The following WDFY3 variants were observed in gnomAD, a reference collection of about 807,000 sequenced individuals.
WDFY3 encodes the protein WD repeat and FYVE domain-containing protein 3.
A neutral mutation model predicts 409.6 loss-of-function variants in WDFY3; 66 were observed. That is an observed-to-expected ratio of 0.16 (90% confidence interval 0.13 to 0.20). The LOEUF is 0.20. Among genes scored for constraint, WDFY3 ranks in the 10% least tolerant of loss-of-function variants. The pLI, the probability that WDFY3 is intolerant of heterozygous loss-of-function variation, is 1.00. For synonymous variants in WDFY3, 1,521 were observed against 1,537.1 expected (o/e 0.99, Z 0.25); for missense variants, 3,031 against 4,298.1 (o/e 0.71, Z 8.24).
intron 53 of WDFY3, among the ~76,000 whole-genome samples, chr4:84,707,052 T>A (rs757549243): frequency 1.7e-4 from 25 of 150,808 alleles, no homozygotes; most frequent in Non-Finnish European, 8.9e-5. Flanking sequence ...GATCCTCCCA[T>A]TTCAGCCTCC....
chr4:84,681,209 C>T (rs1310119689), intron 64 of WDFY3, among the ~76,000 whole-genome samples: 1 of 152,168 alleles, frequency 6.6e-6, no homozygotes, highest in Non-Finnish European at 1.5e-5. Context: ...AGACTACCCA[C>T]AATAAAGACA....
chr4:84,947,890 GTAAA>G (rs534924086), intron 1 of WDFY3, among the ~76,000 whole-genome samples: 1,999 of 151,490 alleles, frequency 0.013, 33 homozygotes, highest in African/African-American at 0.046. Context: ...TGTCTCAAAA[GTAAA>G]TAAATAAATA....
chr4:84,830,196 C>T lies in WDFY3; in HGVS notation c.770-1006G>A, dbSNP rs547886355. Reference sequence around the variant, plus strand: ...TAATTATTTTGAAAGAGTTTCAGGACAGTAATATCAGGTAGTTCTCAACTT... The same window carrying T: ...TAATTATTTTGAAAGAGTTTCAGGATAGTAATATCAGGTAGTTCTCAACTT... On this transcript the variant is annotated intron_variant, in intron 8 of 67. Transcript: ENST00000295888. 2.6e-5 allele frequency among the ~76,000 whole-genome samples: 4 copies of T among 152,280 alleles called. No homozygotes were observed. The South Asian group carries it at 6.2e-4, about 24-fold the overall frequency.
At chr4:84,868,575 T>C (rs1761749929) in intron 3 of WDFY3, among the ~76,000 whole-genome samples, 1 of 152,118 alleles carries the variant, frequency 6.6e-6, no homozygotes, top group Non-Finnish European at 1.5e-5. Context: ...CTACCCAATT[T>C]CTCAGATTTA....
intron 2 of WDFY3, among the ~76,000 whole-genome samples, chr4:84,924,751 T>C (rs1437572581): frequency 6.6e-6 from 1 of 152,186 alleles, no homozygotes; most frequent in African/African-American, 2.4e-5. Flanking sequence ...ACAAGGCTGC[T>C]TAGCTAGTAT....
chr4:84,678,154 A>C lies in WDFY3; in HGVS notation c.10259+14T>G. 1 of 1,606,336 alleles carries C rather than the reference A, an allele frequency of 6.2e-7. No homozygotes were observed. Among genetic ancestry groups the C allele is most frequent in the Non-Finnish European group, 8.5e-7 (1 of 1,172,960 alleles). ...TCAGATGGGAAGCGGAGCTGGAAAA[A>C]GCCTGACACTTACTTGGAGATGCCC... On this transcript the variant is annotated intron_variant, in intron 66 of 67. Transcript: ENST00000295888.
chr4:84,711,082 C>A (rs972859159), intron 51 of WDFY3, among the ~76,000 whole-genome samples: 1 of 152,150 alleles, frequency 6.6e-6, no homozygotes, highest in Non-Finnish European at 1.5e-5. Flanking sequence ...AAGTCATTTT[C>A]TTGCATGTTC....
intron 32 of WDFY3, among the ~76,000 whole-genome samples, chr4:84,761,659 A>G (rs2149362028): frequency 6.6e-6 from 1 of 152,358 alleles, no homozygotes; most frequent in Non-Finnish European, 1.5e-5. Context: ...GGAAACTACC[A>G]TCAGAATGAA....
intron 1 of WDFY3, among the ~76,000 whole-genome samples, chr4:84,959,004 CTATG>C (rs1774584159): frequency 6.6e-6 from 1 of 152,258 alleles, no homozygotes; most frequent in East Asian, 1.9e-4. Context: ...ATATAATGTA[CTATG>C]TATTATAATA....
chr4:84,724,177 T>C (rs570533368), intron 46 of WDFY3, among the ~76,000 whole-genome samples: 1 of 152,288 alleles, frequency 6.6e-6, no homozygotes, highest in African/African-American at 2.4e-5. Context: ...CCACTGAGAA[T>C]TCTGAGAAAT....
intron 4 of WDFY3, 67 bp from the exon 5 acceptor site, chr4:84,850,092 C>A: frequency 6.6e-7 from 1 of 1,506,336 alleles, no homozygotes; most frequent in Non-Finnish European, 8.9e-7. Flanking sequence ...TGTGAATTTT[C>A]AAGTGTGGTA....
At chr4:84,824,583 C>A (rs1754578186) in intron 10 of WDFY3, among the ~76,000 whole-genome samples, 1 of 152,064 alleles carries the variant, frequency 6.6e-6, no homozygotes, top group African/African-American at 2.4e-5. Context: ...GTTGCCAGGG[C>A]AAGGGTTAAG....
At chr4:84,716,097 T>C (rs1340519064) in intron 49 of WDFY3, among the ~76,000 whole-genome samples, 2 of 152,128 alleles carry the variant, frequency 1.3e-5, no homozygotes, top group African/African-American at 4.8e-5. Flanking sequence ...AAATTATGCA[T>C]CCACATGACC....
chr4:84,690,941 A>G (rs1729160848), intron 60 of WDFY3, among the ~76,000 whole-genome samples: 1 of 152,212 alleles, frequency 6.6e-6, no homozygotes, highest in African/African-American at 2.4e-5. Context: ...AGTGATGCTC[A>G]AATTGTGTGA....
intron 30 of WDFY3, among the ~76,000 whole-genome samples, chr4:84,770,708 T>C (rs1026931595): frequency 2.6e-5 from 4 of 152,166 alleles, no homozygotes; most frequent in African/African-American, 7.2e-5. Context: ...AATTTGAAAA[T>C]TGCCTTATCA....
chr4:84,944,124 A>G (rs1422103718), intron 1 of WDFY3, among the ~76,000 whole-genome samples: 3 of 152,234 alleles, frequency 2.0e-5, no homozygotes, highest in Non-Finnish European at 2.9e-5. Flanking sequence ...ATATGCTAAA[A>G]CAAACAATAA....
intron 2 of WDFY3, among the ~76,000 whole-genome samples, chr4:84,910,226 G>A (rs775130217): frequency 6.6e-6 from 1 of 152,082 alleles, no homozygotes; most frequent in African/African-American, 2.4e-5. Context: ...ATACGCACAG[G>A]TTATGTGCAA....
intron 3 of WDFY3, among the ~76,000 whole-genome samples, chr4:84,892,224 C>A (rs897282222): frequency 6.6e-6 from 1 of 151,658 alleles, no homozygotes; most frequent in African/African-American, 2.4e-5. Context: ...CAATCAACAT[C>A]CTCCATTACA....
chr4:84,746,461 G>A (rs989844690), intron 36 of WDFY3, among the ~76,000 whole-genome samples: 1 of 152,074 alleles, frequency 6.6e-6, no homozygotes, highest in Admixed American at 6.6e-5. Context: ...AGAAATGCTT[G>A]GTGAATAACA....
Sources: allele counts gnomAD v4.1 joint callset (sites outside exome capture counted in the v4.1 genomes callset), GRCh38; gene constraint gnomAD v4.1.1; transcripts MANE v1.5; gene names NCBI Gene and HGNC (gene_info 2026-07-23, HGNC 2026-07-21).